The following GALNT13 variants were observed in gnomAD, a reference collection of about 807,000 sequenced individuals.
The protein encoded by GALNT13 is UDP-GalNAc:polypeptide N-acetylgalactosaminyltransferase 13.
GALNT13 carries 28 observed loss-of-function variants against 64.2 expected under a neutral mutation model. The observed-to-expected ratio is 0.44, with a 90% CI of 0.32 to 0.60. The LOEUF (loss-of-function observed/expected upper bound fraction) is 0.60. Ranked by LOEUF, GALNT13 falls within the 20% of genes least tolerant of loss-of-function variation. The pLI is 0.05. For synonymous variants in GALNT13, 214 were observed against 224.6 expected (o/e 0.95, Z 0.42); for missense variants, 577 against 669.8 (o/e 0.86, Z 1.53).
chr2:153,099,674 T>G, the GALNT13 span, among the ~76,000 whole-genome samples: 1 of 152,364 alleles, frequency 6.6e-6, no homozygotes, highest in East Asian at 1.9e-4. Context: ...ATTTAATGTT[T>G]TTCATTGTTC....
chr2:154,364,763 C>T (rs899902666), intron 9 of GALNT13, among the ~76,000 whole-genome samples: 1 of 152,140 alleles, frequency 6.6e-6, no homozygotes, highest in Non-Finnish European at 1.5e-5. Context: ...CTCCACCTCC[C>T]GAGTTCAAGC....
chr2:153,795,787 C>G, the GALNT13 span, among the ~76,000 whole-genome samples: 1 of 152,140 alleles, frequency 6.6e-6, no homozygotes, highest in Non-Finnish European at 1.5e-5. Context: ...AGATTACCCT[C>G]AATTTGATAA....
At chr2:154,332,847 C>T (rs761259204) in intron 9 of GALNT13, among the ~76,000 whole-genome samples, 1 of 152,114 alleles carries the variant, frequency 6.6e-6, no homozygotes, top group Non-Finnish European at 1.5e-5. Flanking sequence ...AATAAGAAAT[C>T]TATCTTCTCA....
At chr2:153,718,418 T>A in the GALNT13 span, among the ~76,000 whole-genome samples, 1 of 152,232 alleles carries the variant, frequency 6.6e-6, no homozygotes, top group East Asian at 1.9e-4. Context: ...TAAAGGGTTT[T>A]TTTTTTTTCA....
intron 4 of GALNT13, among the ~76,000 whole-genome samples, chr2:154,219,781 A>G (rs1433650749): frequency 6.6e-6 from 1 of 151,996 alleles, no homozygotes; most frequent in Non-Finnish European, 1.5e-5. Flanking sequence ...TCCCTGATGA[A>G]GAATGCCAGT....
chr2:153,170,213 G>A, the GALNT13 span, among the ~76,000 whole-genome samples: 409 of 152,116 alleles, frequency 2.7e-3, 5 homozygotes, highest in Non-Finnish European at 3.0e-3. Context: ...AACCTAATAC[G>A]TTCCTTAAAT....
chr2:153,339,547 C>A, the GALNT13 span, among the ~76,000 whole-genome samples: 2 of 152,092 alleles, frequency 1.3e-5, no homozygotes, highest in African/African-American at 4.8e-5. Flanking sequence ...CAAATATATT[C>A]TCCTATTCTG....
chr2:154,045,071 A>G (rs1212199657), intron 3 of GALNT13, among the ~76,000 whole-genome samples: 1 of 152,214 alleles, frequency 6.6e-6, no homozygotes, highest in Non-Finnish European at 1.5e-5. Flanking sequence ...GTATCACTGA[A>G]CTCAGCATGT....
chr2:153,856,961 G>A, the GALNT13 span, among the ~76,000 whole-genome samples: 6 of 152,150 alleles, frequency 3.9e-5, no homozygotes, highest in South Asian at 2.1e-4. Context: ...TGGATATATC[G>A]CATGAACACA....
At chr2:154,021,328 C>G (rs1391268619) in intron 3 of GALNT13, among the ~76,000 whole-genome samples, 1 of 152,184 alleles carries the variant, frequency 6.6e-6, no homozygotes, top group Non-Finnish European at 1.5e-5. Flanking sequence ...TCTTCCTACC[C>G]ATGAGCATGG....
the GALNT13 span, among the ~76,000 whole-genome samples, chr2:153,833,591 CATT>C: frequency 6.6e-6 from 1 of 152,054 alleles, no homozygotes; most frequent in African/African-American, 2.4e-5. Context: ...TTAACTGAAA[CATT>C]ATCACAAGCA....
the GALNT13 span, among the ~76,000 whole-genome samples, chr2:153,330,709 CAT>C: frequency 2.0e-5 from 3 of 151,960 alleles, no homozygotes; most frequent in Admixed American, 2.0e-4. Context: ...GGTATAGAAT[CAT>C]ATCATTCACA....
the GALNT13 span, among the ~76,000 whole-genome samples, chr2:153,342,951 A>G: frequency 2.0e-5 from 3 of 152,244 alleles, no homozygotes; most frequent in Admixed American, 1.3e-4. Flanking sequence ...ACATGTGTCA[A>G]GGAAAAGGCA....
chr2:153,235,721 T>C, the GALNT13 span, among the ~76,000 whole-genome samples: 2 of 152,138 alleles, frequency 1.3e-5, no homozygotes, highest in Non-Finnish European at 2.9e-5. Context: ...GTTTGTGCAC[T>C]GTCAGGTGGT....
chr2:153,223,960 ACT>A, the GALNT13 span, among the ~76,000 whole-genome samples: 9 of 152,058 alleles, frequency 5.9e-5, no homozygotes, highest in African/African-American at 1.7e-4. Context: ...ACAGAGTGAG[ACT>A]CTGTCTCAAA....
At chr2:153,093,223 CT>C in the GALNT13 span, among the ~76,000 whole-genome samples, 1 of 133,462 alleles carries the variant, frequency 7.5e-6, no homozygotes, top group East Asian at 2.1e-4. Context: ...AAGGATCTTT[CT>C]TTTTTTCTTT....
intron 2 of GALNT13, among the ~76,000 whole-genome samples, chr2:153,919,444 A>G (rs905937445): frequency 1.3e-5 from 2 of 151,986 alleles, no homozygotes; most frequent in African/African-American, 4.8e-5. Flanking sequence ...TGTGATATTG[A>G]TATATATAAA....
At chr2:153,965,772 C>G (rs768184622) in intron 3 of GALNT13, among the ~76,000 whole-genome samples, 1 of 149,560 alleles carries the variant, frequency 6.7e-6, no homozygotes, top group Non-Finnish European at 1.5e-5. Flanking sequence ...CAACTTTTCT[C>G]TGGTCACAAT....
chr2:153,714,392 G>A, the GALNT13 span, among the ~76,000 whole-genome samples: 4 of 152,216 alleles, frequency 2.6e-5, no homozygotes, highest in South Asian at 6.2e-4. Context: ...TCATGTTTTT[G>A]ATTTTAATAA....
Sources: gnomAD v4.1 joint callset for allele counts (sites outside exome capture counted in the v4.1 genomes callset) on GRCh38, gnomAD v4.1.1 for gene constraint, MANE v1.5 for transcripts, NCBI Gene and HGNC (gene_info 2026-07-23, HGNC 2026-07-21) for gene names.